INVS: variants seen among roughly 807,000 people sequenced by gnomAD.
The protein encoded by INVS is inversion of embryo turning homolog.
INVS carries 86 observed loss-of-function variants against 108.8 expected under a neutral mutation model. The observed-to-expected ratio is 0.79, with a 90% CI of 0.66 to 0.95. INVS has a LOEUF of 0.95. Among genes scored for constraint, INVS ranks in the 40% least tolerant of loss-of-function variants. The pLI is 0.00. For missense variants in INVS, 1,169 were observed against 1,297.4 expected, an observed-to-expected ratio of 0.90 and a Z score of 1.52; for synonymous variants, 455 against 473.5, an observed-to-expected ratio of 0.96 and a Z score of 0.51.
intron 10 of INVS, among the ~76,000 whole-genome samples, chr9:100,259,990 G>C (rs1036698478): frequency 6.6e-6 from 1 of 151,566 alleles, no homozygotes; most frequent in African/African-American, 2.4e-5. Context: ...TTCTGCCTCA[G>C]CCTCCTGAGT....
At chr9:100,227,771 A>C (rs1313073750) in intron 4 of INVS, among the ~76,000 whole-genome samples, 1 of 151,548 alleles carries the variant, frequency 6.6e-6, no homozygotes, top group East Asian at 1.9e-4. Context: ...CCTTACACAA[A>C]AATTACTTCT....
rs1464066555 is a variant in INVS at position 100,225,474 on chromosome 9, A to G, written c.274-588A>G. Among the ~76,000 whole-genome samples the G allele has an allele frequency of 2.0e-5, 3 of 152,314 alleles. No individual in the cohort carries two copies. The East Asian group carries it at 5.8e-4, about 29-fold the overall frequency. Reference sequence around the variant, plus strand: ...TGAACAAAACGTTTAACTACTTTGAATCTCAGTTTCCTCACCTGTAAATTG... The same window carrying G: ...TGAACAAAACGTTTAACTACTTTGAGTCTCAGTTTCCTCACCTGTAAATTG... On this transcript the variant is annotated intron_variant, in intron 3 of 16. Transcript: ENST00000262457.
intron 11 of INVS, among the ~76,000 whole-genome samples, chr9:100,269,305 C>G (rs1374246164): frequency 6.6e-6 from 1 of 152,090 alleles, no homozygotes; most frequent in Non-Finnish European, 1.5e-5. Flanking sequence ...GGTTTAATGA[C>G]TCTATGATAA....
intron 3 of INVS, among the ~76,000 whole-genome samples, chr9:100,127,881 AT>A (rs1827935878): frequency 6.6e-6 from 1 of 152,218 alleles, no homozygotes. Flanking sequence ...AGCTAATGAA[AT>A]TATTCACTCG....
At chr9:100,220,225 CT>C (rs1233256231) in intron 3 of INVS, among the ~76,000 whole-genome samples, 1 of 151,900 alleles carries the variant, frequency 6.6e-6, no homozygotes, top group Non-Finnish European at 1.5e-5. Context: ...TCCCAGATTC[CT>C]TTCAAGTGCT....
chr9:100,136,449 G>A (rs1042213501), intron 3 of INVS, among the ~76,000 whole-genome samples: 3 of 151,758 alleles, frequency 2.0e-5, no homozygotes, highest in African/African-American at 7.3e-5. Flanking sequence ...ATATCCCCAC[G>A]ATATCATTGT....
chr9:100,105,602 T>C (rs543259494), intron 2 of INVS, among the ~76,000 whole-genome samples: 3 of 152,280 alleles, frequency 2.0e-5, no homozygotes, highest in African/African-American at 7.2e-5. Flanking sequence ...TTACCTCAGC[T>C]ATCTACATTC....
intron 8 of INVS, among the ~76,000 whole-genome samples, chr9:100,247,439 T>C (rs1301676289): frequency 1.3e-5 from 2 of 152,204 alleles, no homozygotes; most frequent in African/African-American, 4.8e-5. Flanking sequence ...GGTCTCTTCC[T>C]TGTGTACTGT....
At chr9:100,281,382 G>C (rs529353362) in intron 12 of INVS, among the ~76,000 whole-genome samples, 18 of 152,344 alleles carry the variant, frequency 1.2e-4, no homozygotes, top group African/African-American at 4.3e-4. Flanking sequence ...CATATATGTG[G>C]GGTCACGTTC....
intron 16 of INVS, among the ~76,000 whole-genome samples, chr9:100,299,551 AC>A (rs1564196478): frequency 1.6e-4 from 14 of 89,122 alleles, no homozygotes; most frequent in Admixed American, 3.4e-4. Flanking sequence ...TTTTATTGAC[AC>A]ACAACACACA....
intron 3 of INVS, among the ~76,000 whole-genome samples, chr9:100,224,807 G>A (rs1390448148): frequency 6.6e-6 from 1 of 151,372 alleles, no homozygotes; most frequent in Non-Finnish European, 1.5e-5. Context: ...GTAGAGACGG[G>A]GTTTCACCAT....
chr9:100,154,004 A>G (rs1828888055), intron 3 of INVS, among the ~76,000 whole-genome samples: 1 of 152,244 alleles, frequency 6.6e-6, no homozygotes, highest in Non-Finnish European at 1.5e-5. Context: ...GAAACATAAC[A>G]ATATCCAGCA....
At position 100,154,283 on chromosome 9, in the gene INVS, G is replaced by A. The variant is rs1588044346; in HGVS notation, c.273+27734G>A. Among the ~76,000 whole-genome samples the A allele has an allele frequency of 3.3e-5, 5 of 150,346 alleles. 1 individual carries two copies. The highest frequency in any genetic ancestry group is 3.3e-4 in the Admixed American group (5 of 15,118). ...GGGCTTAGTGAATCATCCCACCTTA[G>A]GCTCCTGAGTAGCTGGGATTATAGG... On this transcript the variant is annotated intron_variant, in intron 3 of 16. Transcript: ENST00000262457.
intron 15 of INVS, among the ~76,000 whole-genome samples, 191 bp from the exon 16 acceptor site, chr9:100,297,745 G>A (rs1438699254): frequency 2.0e-5 from 3 of 152,196 alleles, no homozygotes; most frequent in Non-Finnish European, 2.9e-5. Flanking sequence ...ATCTCCTACA[G>A]CATGAACTTT....
intron 10 of INVS, among the ~76,000 whole-genome samples, chr9:100,262,613 T>C (rs1401316834): frequency 6.8e-6 from 1 of 146,900 alleles, no homozygotes; most frequent in Non-Finnish European, 1.5e-5. Context: ...TTTTAAAAAT[T>C]TTCTTTATTC....
intron 12 of INVS, among the ~76,000 whole-genome samples, chr9:100,281,689 T>C (rs17812397): frequency 0.1 from 15,533 of 152,024 alleles, 1,071 homozygotes; most frequent in Middle Eastern, 0.15. Flanking sequence ...GATTGCATTC[T>C]GTCTCCTAAT....
chr9:100,153,032 T>TAC (rs58490135), intron 3 of INVS, among the ~76,000 whole-genome samples: 41 of 151,118 alleles, frequency 2.7e-4, no homozygotes, highest in African/African-American at 9.9e-4. Context: ...TGTGTGTGTG[T>TAC]ACAGGTGCAC....
intron 3 of INVS, among the ~76,000 whole-genome samples, chr9:100,173,939 T>C (rs1305053027): frequency 6.6e-6 from 1 of 152,204 alleles, no homozygotes; most frequent in African/African-American, 2.4e-5. Context: ...AAACATAATT[T>C]AGAGTTTGGG....
intron 16 of INVS, among the ~76,000 whole-genome samples, chr9:100,300,317 C>T (rs760204310): frequency 6.6e-6 from 1 of 152,128 alleles, no homozygotes; most frequent in Non-Finnish European, 1.5e-5. Context: ...GACTGAAGAC[C>T]GAGGTTCTGG....
Sources: gnomAD v4.1 joint callset for allele counts (sites outside exome capture counted in the v4.1 genomes callset) on GRCh38, gnomAD v4.1.1 for gene constraint, MANE v1.5 for transcripts, NCBI Gene and HGNC (gene_info 2026-07-23, HGNC 2026-07-21) for gene names.